The following GOT2 variants were observed in gnomAD, a reference collection of about 807,000 sequenced individuals.
GOT2 encodes glutamic-oxaloacetic transaminase 2, also known as aspartate aminotransferase, mitochondrial.
Under a neutral mutation model 50.0 loss-of-function variants are expected in GOT2, and 17 were observed. That is an observed-to-expected ratio of 0.34 (90% CI 0.23 to 0.51). GOT2 has a LOEUF of 0.51. Among genes scored for constraint, GOT2 ranks in the 20% least tolerant of loss-of-function variants. The probability of loss-of-function intolerance (pLI) is 0.97; values close to 1 mark genes in which losing one functional copy is unlikely to be tolerated. For missense variants in GOT2, 430 were observed against 559.6 expected, an observed-to-expected ratio of 0.77 and a Z score of 2.34; for synonymous variants, 172 against 204.9, an observed-to-expected ratio of 0.84 and a Z score of 1.37.
chr16:58,708,575 C>T (rs1049279194), intron 9 of GOT2, among the ~76,000 whole-genome samples: 4 of 151,138 alleles, frequency 2.6e-5, no homozygotes, highest in East Asian at 3.9e-4. Context: ...GCCGAGATTG[C>T]GCCAATGCAC....
chr16:58,715,418 A>G (rs754946229), intron 8 of GOT2, among the ~76,000 whole-genome samples: 9 of 152,156 alleles, frequency 5.9e-5, no homozygotes, highest in Admixed American at 1.3e-4. Flanking sequence ...TCAAAGTGCT[A>G]ACAAATACTC....
intron 8 of GOT2, among the ~76,000 whole-genome samples, chr16:58,712,700 T>C (rs71389036): frequency 0.032 from 4,812 of 152,242 alleles, 108 homozygotes; most frequent in Non-Finnish European, 0.045. Context: ...CCAGAGAATA[T>C]GAAAATATTT....
At chr16:58,710,116 A>T (rs578089539) in intron 8 of GOT2, among the ~76,000 whole-genome samples, 4 of 152,270 alleles carry the variant, frequency 2.6e-5, no homozygotes, top group Non-Finnish European at 4.4e-5. Flanking sequence ...CGGTTTGGTT[A>T]CAAACTCCAA....
intron 8 of GOT2, among the ~76,000 whole-genome samples, chr16:58,711,790 C>A (rs956571281): frequency 6.6e-6 from 1 of 152,140 alleles, no homozygotes; most frequent in Non-Finnish European, 1.5e-5. Flanking sequence ...AGGCCTGGAT[C>A]CCAAAGATAT....
intron 1 of GOT2, among the ~76,000 whole-genome samples, chr16:58,724,880 G>A (rs1049978303): frequency 1.3e-5 from 2 of 152,054 alleles, no homozygotes; most frequent in African/African-American, 2.4e-5. Flanking sequence ...GATTTCCTTA[G>A]CTTTTACCTA....
At chr16:58,718,981 T>C (rs1190249850) in intron 4 of GOT2, among the ~76,000 whole-genome samples, 1 of 152,228 alleles carries the variant, frequency 6.6e-6, no homozygotes, top group Non-Finnish European at 1.5e-5. Flanking sequence ...CCCTAGTAAA[T>C]AGTAAGTTCC....
intron 3 of GOT2, among the ~76,000 whole-genome samples, chr16:58,719,825 A>C (rs1264894239): frequency 6.6e-6 from 1 of 152,240 alleles, no homozygotes; most frequent in Admixed American, 6.5e-5. Flanking sequence ...CTTTAGAATT[A>C]TACAAAGTAG....
chr16:58,726,804 T>C (rs1181308166), intron 1 of GOT2, among the ~76,000 whole-genome samples: 1 of 151,206 alleles, frequency 6.6e-6, no homozygotes, highest in African/African-American at 2.4e-5. Context: ...TTTGTTTTGA[T>C]TTATAGTAAG....
chr16:58,723,828 G>A lies in GOT2; in HGVS notation c.164C>T (p.Thr55Ile), dbSNP rs2044760381. The change falls in exon 2 of 10, where the codon ACC (threonine) becomes ATC (isoleucine). Residue 55 changes from threonine to isoleucine, a missense_variant. Transcript: ENST00000245206. ...LGVTEAFKRD[T>I]NSKKMNLGVG... ...TCCCAGATTCATCTTTTTGCTATTGGTGTCCCTCTTAAAGGCTTCAGTGAC... is the reference window on the plus strand; with the variant it reads ...TCCCAGATTCATCTTTTTGCTATTGATGTCCCTCTTAAAGGCTTCAGTGAC... 6.2e-7 allele frequency: 1 copy of A among 1,612,668 alleles called. No individual in the cohort carries two copies. The highest frequency in any genetic ancestry group is 1.7e-5 in the Admixed American group (1 of 59,972).
chr16:58,710,186 C>T (rs927622073), intron 8 of GOT2, among the ~76,000 whole-genome samples: 4 of 152,122 alleles, frequency 2.6e-5, no homozygotes, highest in African/African-American at 4.8e-5. Flanking sequence ...GTGTGAGCCA[C>T]CACGCCTGGC....
chr16:58,715,484 T>C (rs1450015211), intron 8 of GOT2, among the ~76,000 whole-genome samples: 1 of 152,086 alleles, frequency 6.6e-6, no homozygotes, highest in African/African-American at 2.4e-5. Context: ...TACAGTGAGT[T>C]AGGATTGCAA....
intron 3 of GOT2, among the ~76,000 whole-genome samples, chr16:58,721,050 G>T (rs1240061067): frequency 6.6e-6 from 1 of 152,192 alleles, no homozygotes; most frequent in Non-Finnish European, 1.5e-5. Context: ...TGTATGGACA[G>T]AACTAAACCA....
chr16:58,724,896 G>C (rs2044770677), intron 1 of GOT2, among the ~76,000 whole-genome samples: 1 of 152,052 alleles, frequency 6.6e-6, no homozygotes. Context: ...ACCTATTTCT[G>C]TTCCACGATT....
intron 7 of GOT2, 86 bp downstream of exon 7, chr16:58,716,577 C>T (rs2044695178): frequency 1.8e-6 from 2 of 1,137,624 alleles, no homozygotes; most frequent in Non-Finnish European, 2.6e-6. Context: ...CACACACACA[C>T]ACACACACAC....
chr16:58,721,313 A>G (rs2044738159), intron 3 of GOT2, among the ~76,000 whole-genome samples: 1 of 152,196 alleles, frequency 6.6e-6, no homozygotes, highest in South Asian at 2.1e-4. Flanking sequence ...TTTTCAAAAG[A>G]AAGTGAACCA....
At chr16:58,726,435 C>T (rs1261049643) in intron 1 of GOT2, among the ~76,000 whole-genome samples, 7 of 152,104 alleles carry the variant, frequency 4.6e-5, no homozygotes, top group East Asian at 1.9e-4. Context: ...CCACCCACCT[C>T]GGCCCCCCAA....
Position 58,727,267 on chromosome 16 carries a change from T to C in GOT2, c.90-3365A>G, listed in dbSNP as rs538913293. On this transcript the variant is annotated intron_variant, in intron 1 of 9. Transcript: ENST00000245206. ...CCTCAGCCTTTCAAGTAGCTGGGAC[T>C]ACAGGCGCACACAAGTTAACATTTT... 2.6e-3 allele frequency among the ~76,000 whole-genome samples: 398 copies of C among 152,274 alleles called. 2 individuals are homozygous for C. The highest frequency in any genetic ancestry group is 9.2e-3 in the African/African-American group (382 of 41,562).
intron 8 of GOT2, among the ~76,000 whole-genome samples, chr16:58,714,690 GACACAGC>G (rs985485815): frequency 3.3e-5 from 5 of 151,926 alleles, no homozygotes; most frequent in Non-Finnish European, 7.4e-5. Context: ...TAGCCTGGGT[GACACAGC>G]AAGACTGTTT....
intron 8 of GOT2, among the ~76,000 whole-genome samples, chr16:58,712,118 C>G (rs987033305): frequency 1.3e-5 from 2 of 152,164 alleles, no homozygotes; most frequent in African/African-American, 4.8e-5. Flanking sequence ...CTTTAATGCA[C>G]AGCTCACATG....
Sources: gnomAD v4.1 joint callset for allele counts (sites outside exome capture counted in the v4.1 genomes callset) on GRCh38, gnomAD v4.1.1 for gene constraint, MANE v1.5 for transcripts, NCBI Gene and HGNC (gene_info 2026-07-23, HGNC 2026-07-21) for gene names.